The following BTD variants were observed in gnomAD, a reference collection of about 807,000 sequenced individuals.
BTD encodes the protein biocytinase.
A neutral mutation model predicts 17.7 loss-of-function variants in BTD; 13 were observed. The ratio of observed to expected loss-of-function variants is 0.74; its 90% CI spans 0.48 to 1.17. The LOEUF (loss-of-function observed/expected upper bound fraction) is 1.17, where lower values mean the gene tolerates loss of function less well. BTD is among the 50% of genes most tolerant of loss of function. The probability of loss-of-function intolerance (pLI) is 0.00; values close to 1 mark genes in which losing one functional copy is unlikely to be tolerated. For missense variants in BTD, 674 were observed against 650.4 expected, an observed-to-expected ratio of 1.04 and a Z score of -0.39; for synonymous variants, 240 against 245.2, an observed-to-expected ratio of 0.98 and a Z score of 0.20.
chr3:15,702,493 T>C (rs910277511), intron 3 of BTD, among the ~76,000 whole-genome samples: 4 of 152,142 alleles, frequency 2.6e-5, no homozygotes, highest in African/African-American at 4.8e-5. Context: ...TCTGAAAAAA[T>C]ATTTAAGGCT....
chr3:15,700,687 T>C (rs908261353), intron 3 of BTD, among the ~76,000 whole-genome samples: 5 of 152,060 alleles, frequency 3.3e-5, no homozygotes, highest in Admixed American at 2.0e-4. Flanking sequence ...GGCAGGAGAA[T>C]TGCTTGAACT....
At chr3:15,662,906 A>ATTTTCCTAG (rs1422239188) in intron 3 of BTD, among the ~76,000 whole-genome samples, 1 of 129,724 alleles carries the variant, frequency 7.7e-6, no homozygotes, top group African/African-American at 2.9e-5. Flanking sequence ...GGAAGTTCCC[A>ATTTTCCTAG]TTTTCCTAGT....
rs746798796 is a variant in BTD, at chr3:15,645,173, C to A, written c.1257C>A (p.Ala419=). The A allele has an allele frequency of 2.5e-6, 4 of 1,614,110 alleles. No individual in the cohort carries two copies. In the South Asian group the frequency reaches 4.4e-5, roughly 18 times the overall value. Residue 419 remains alanine, a synonymous_variant, in exon 4 of 4, where the codon GCC becomes GCA. Coordinates refer to ENST00000643237, the MANE Select transcript of BTD (RefSeq NM_001370658.1). Reference sequence around the variant, plus strand: ...CCACCTTATCCAAAGAGCTGTATGCCCTGGGGGTCTTTGATGGGCTTCACA... The same window carrying A: ...CCACCTTATCCAAAGAGCTGTATGCACTGGGGGTCTTTGATGGGCTTCACA... ...ERPTLSKELY[A]LGVFDGLHTV...
At chr3:15,622,022 A>C (rs910250594) in intron 1 of BTD, among the ~76,000 whole-genome samples, 2 of 152,020 alleles carry the variant, frequency 1.3e-5, no homozygotes, top group East Asian at 1.9e-4. Flanking sequence ...TTCATTGCTC[A>C]TGTCAGTAAT....
rs1317951937 is a variant in BTD at position 15,721,193 on chromosome 3, T to G, written c.1016-577T>G. ...GCTAATTATCAATGTTGTGAGCTAT[T>G]TTAGCAACCTGTGGTTGCAATCAAA... On this transcript the variant is annotated intron_variant, in intron 4 of 4. Coordinates refer to the BTD transcript ENST00000672427. The G allele has an allele frequency of 4.4e-6, 6 of 1,372,964 alleles. No individual in the cohort carries two copies. The African/African-American group carries it at 8.7e-5, about 20-fold the overall frequency. The allele number at this position is 1,372,964 out of a possible 1,614,324, so 85.0% of individuals were successfully genotyped here.
At chr3:15,700,238 G>A (rs926854975) in intron 3 of BTD, among the ~76,000 whole-genome samples, 1 of 152,140 alleles carries the variant, frequency 6.6e-6, no homozygotes, top group Non-Finnish European at 1.5e-5. Flanking sequence ...TTAAGTGGAA[G>A]TTGAGCAATG....
In BTD at chr3:15,646,496, A is replaced by G. The variant is rs2065698435; in HGVS notation, c.*1008A>G. The G allele has an allele frequency of 6.6e-6, 1 of 152,234 alleles. No individual in the cohort carries two copies. The highest frequency in any genetic ancestry group is 1.5e-5 in the Non-Finnish European group (1 of 68,032). 9.4% of individuals were successfully genotyped at this position (152,234 alleles called of 1,614,324 possible). On this transcript the variant is annotated 3_prime_UTR_variant, in exon 4 of 4. Coordinates refer to ENST00000643237, the MANE Select transcript of BTD (RefSeq NM_001370658.1). Reference sequence around the variant, plus strand: ...TAGTCATGCATTTATTCAATCACCCAACAGGCACAGAGCAGGAGCTTCCCA... The same window carrying G: ...TAGTCATGCATTTATTCAATCACCCGACAGGCACAGAGCAGGAGCTTCCCA...
chr3:15,654,262 G>A (rs1575038290), downstream of BTD, among the ~76,000 whole-genome samples: 1 of 152,182 alleles, frequency 6.6e-6, no homozygotes, highest in African/African-American at 2.4e-5. Flanking sequence ...CAGGGGAGAG[G>A]GCATTGGCTG....
chr3:15,684,618 G>C (rs1222711136), intron 3 of BTD: 1 of 152,080 alleles, frequency 6.6e-6, no homozygotes, highest in Non-Finnish European at 1.5e-5. Flanking sequence ...GGGTGCAATG[G>C]CTCATGCCTG....
intron 3 of BTD, among the ~76,000 whole-genome samples, chr3:15,665,626 G>C (rs2065972910): frequency 6.6e-6 from 1 of 151,650 alleles, no homozygotes; most frequent in Non-Finnish European, 1.5e-5. Flanking sequence ...CATCACTTTG[G>C]CCTAACTGTG....
Position 15,651,593 on chromosome 3 carries a change from G to A in BTD, c.*6105G>A, listed in dbSNP as rs1320117334. Among the ~76,000 whole-genome samples, 1 of 152,208 alleles carries A rather than the reference G, an allele frequency of 6.6e-6. No homozygotes were observed. The highest frequency in any genetic ancestry group is 6.5e-5 in the Admixed American group (1 of 15,288). On this transcript the variant is annotated 3_prime_UTR_variant, in exon 4 of 4. Coordinates refer to ENST00000643237, the MANE Select transcript of BTD (RefSeq NM_001370658.1). ...AGACCGTAGCGGTGTGACAGGCAGAGAGCCAGGCGATCCATATCCTGTCTC... is the reference window on the plus strand; with the variant it reads ...AGACCGTAGCGGTGTGACAGGCAGAAAGCCAGGCGATCCATATCCTGTCTC...
At chr3:15,628,753 GT>G (rs1359858792) in intron 1 of BTD, among the ~76,000 whole-genome samples, 1 of 152,096 alleles carries the variant, frequency 6.6e-6, no homozygotes, top group East Asian at 1.9e-4. Flanking sequence ...CCAATCAATA[GT>G]TTAAGACTTT....
At chr3:15,671,618 C>G (rs537278849) in intron 3 of BTD, among the ~76,000 whole-genome samples, 20 of 145,164 alleles carry the variant, frequency 1.4e-4, no homozygotes, top group African/African-American at 4.8e-4. Context: ...AGAGTCTGCT[C>G]GGTCACCCAA....
intron 3 of BTD, among the ~76,000 whole-genome samples, chr3:15,708,630 T>G (rs1457106624): frequency 2.0e-5 from 3 of 152,178 alleles, no homozygotes; most frequent in Admixed American, 6.5e-5. Flanking sequence ...GATTAAAGTA[T>G]AATTATAAAA....
At chr3:15,717,454 G>A (rs2073201979), downstream of BTD, among the ~76,000 whole-genome samples, 2 of 151,932 alleles carry the variant, frequency 1.3e-5, no homozygotes, top group Admixed American at 1.3e-4. Flanking sequence ...TTTCTGAACT[G>A]GAGAAACAAT....
chr3:15,699,422 C>T (rs2070206434), intron 3 of BTD, among the ~76,000 whole-genome samples: 1 of 152,108 alleles, frequency 6.6e-6, no homozygotes, highest in South Asian at 2.1e-4. Flanking sequence ...AGCTTCTGCA[C>T]AGCAAAAGAA....
intron 2 of BTD, among the ~76,000 whole-genome samples, chr3:15,637,266 G>A (rs190300698): frequency 6.6e-6 from 1 of 152,008 alleles, no homozygotes; most frequent in East Asian, 1.9e-4. Flanking sequence ...CAGCTATCCC[G>A]ATTCTGTCTA....
At chr3:15,631,425 A>G (rs1242436792) in intron 1 of BTD, 3 of 1,527,580 alleles carry the variant, frequency 2.0e-6, no homozygotes, top group Non-Finnish European at 2.6e-6. Flanking sequence ...ATTTTATTTC[A>G]GAAGACACTA....
At chr3:15,665,702 G>C (rs1055758306) in intron 3 of BTD, among the ~76,000 whole-genome samples, 2 of 152,224 alleles carry the variant, frequency 1.3e-5, no homozygotes, top group African/African-American at 2.4e-5. Context: ...CGGAGGTAGG[G>C]CGTGGCCACG....
Sources: allele counts gnomAD v4.1 joint callset (sites outside exome capture counted in the v4.1 genomes callset), GRCh38; gene constraint gnomAD v4.1.1; transcripts MANE v1.5; gene names NCBI Gene and HGNC (gene_info 2026-07-23, HGNC 2026-07-21).